The following SHISAL2A variants were observed in gnomAD, a reference collection of about 807,000 sequenced individuals.
SHISAL2A encodes the protein protein shisa-like-2A.
Under a neutral mutation model 11.5 loss-of-function variants are expected in SHISAL2A, and 18 were observed. The ratio of observed to expected loss-of-function variants is 1.57; its 90% CI spans 1.08 to 2.33. The LOEUF (loss-of-function observed/expected upper bound fraction) is 2.33, where lower values mean the gene tolerates loss of function less well. Among genes scored for constraint, SHISAL2A ranks in the 30% most tolerant of loss-of-function variants. SHISAL2A has a pLI of 0.00. For synonymous variants in SHISAL2A, 94 were observed against 99.6 expected (o/e 0.94, Z 0.34); for missense variants, 261 against 250.9 (o/e 1.04, Z -0.27).
intron 1 of SHISAL2A, among the ~76,000 whole-genome samples, chr1:52,637,193 T>C (rs1208867255): frequency 1.3e-5 from 2 of 152,210 alleles, no homozygotes; most frequent in Non-Finnish European, 2.9e-5. Context: ...AGGGTGACTC[T>C]TCCTGGACTC....
chr1:52,667,490 A>G, exon 5 of SHISAL2A: 1 of 518,432 alleles, frequency 1.9e-6, no homozygotes, highest in East Asian at 1.5e-4. Context: ...CACCATCACC[A>G]TCACCATCAC....
In SHISAL2A at chr1:52,656,960, A is replaced by T; in HGVS notation, c.493A>T (p.Thr165Ser). ...CCTCCTCCATCATTGCTTCATGGCCACAGTGACCACCAGTGACATTCCAGG... is the reference window on the plus strand; with the variant it reads ...CCTCCTCCATCATTGCTTCATGGCCTCAGTGACCACCAGTGACATTCCAGG... ...KRLLHHCFMA[T>S]VTTSDIPGSP... Residue 165 changes from threonine to serine, a missense_variant, in exon 3 of 3, where the codon ACA becomes TCA. By Grantham distance (58) the Thr-to-Ser change is moderately conservative (BLOSUM62 1). Coordinates refer to ENST00000517870, the MANE Select transcript of SHISAL2A (RefSeq NM_001042693.3). The T allele has an allele frequency of 6.2e-7, 1 of 1,614,228 alleles. No individual in the cohort carries two copies. Among genetic ancestry groups the T allele is most frequent in the Non-Finnish European group, 8.5e-7 (1 of 1,180,042 alleles).
intron 2 of SHISAL2A, among the ~76,000 whole-genome samples, chr1:52,654,848 C>T (rs925537924): frequency 2.0e-5 from 3 of 152,150 alleles, no homozygotes; most frequent in African/African-American, 7.2e-5. Context: ...GATGAAAAGG[C>T]AAGCCTCAGA....
At position 52,643,136 on chromosome 1, in the gene SHISAL2A, T is replaced by C. The variant is rs1691409562; in HGVS notation, c.322+134T>C. 14 of 810,480 alleles carry C rather than the reference T, an allele frequency of 1.7e-5. No individual in the cohort carries two copies. The South Asian group carries it at 2.3e-4, about 13-fold the overall frequency. 50.2% of individuals were successfully genotyped at this position (810,480 alleles called of 1,614,324 possible). On this transcript the variant is annotated intron_variant, in intron 2 of 2. Coordinates refer to ENST00000517870, the MANE Select transcript of SHISAL2A (RefSeq NM_001042693.3). ...GAATATGCAGAAGCAGCGGCACATT[T>C]TTCTGGAGATTCGTGATCTAAACAT...
downstream of SHISAL2A, among the ~76,000 whole-genome samples, chr1:52,661,415 C>A (rs568062023): frequency 2.0e-5 from 3 of 152,212 alleles, no homozygotes; most frequent in African/African-American, 7.2e-5. Flanking sequence ...ATCTGTCCTC[C>A]GGTCAGGGGG....
At chr1:52,646,432 T>C (rs1468496810) in intron 2 of SHISAL2A, among the ~76,000 whole-genome samples, 1 of 152,028 alleles carries the variant, frequency 6.6e-6, no homozygotes, top group African/African-American at 2.4e-5. Flanking sequence ...TATGACACTG[T>C]ATGTGAAGTT....
At chr1:52,648,192 G>T (rs996573789) in intron 2 of SHISAL2A, among the ~76,000 whole-genome samples, 1 of 150,514 alleles carries the variant, frequency 6.6e-6, no homozygotes, top group Non-Finnish European at 1.5e-5. Flanking sequence ...CTGTTACTCA[G>T]TAATTCTACT....
At chr1:52,658,012 A>G (rs1481384038), downstream of SHISAL2A, among the ~76,000 whole-genome samples, 2 of 150,342 alleles carry the variant, frequency 1.3e-5, no homozygotes, top group Non-Finnish European at 3.0e-5. Context: ...ATGGATTTGA[A>G]CTCACTTCGT....
Position 52,633,565 on chromosome 1 carries a change from G to T in SHISAL2A, c.72G>T (p.Pro24=), listed in dbSNP as rs764905233. The change falls in exon 1 of 3, where the codon CCG becomes CCT. Residue 24 remains proline (P), a synonymous_variant. Coordinates refer to ENST00000517870, the MANE Select transcript of SHISAL2A (RefSeq NM_001042693.3). The surrounding 1 kb of genome is among the most constrained non-coding windows in gnomAD (Gnocchi z 6.4). ...EVVRGFSCPR[P]GGEAAAVFCC... Reference sequence around the variant, plus strand: ...TGCGCGGCTTCAGCTGCCCGCGGCCGGGGGGCGAGGCGGCCGCTGTCTTCT... The same window carrying T: ...TGCGCGGCTTCAGCTGCCCGCGGCCTGGGGGCGAGGCGGCCGCTGTCTTCT... 1 of 1,610,056 alleles carries T rather than the reference G, an allele frequency of 6.2e-7. No individual in the cohort carries two copies. The highest frequency in any genetic ancestry group is 1.3e-5 in the African/African-American group (1 of 74,546).
At chr1:52,648,218 T>G (rs1691547408) in intron 2 of SHISAL2A, among the ~76,000 whole-genome samples, 1 of 151,530 alleles carries the variant, frequency 6.6e-6, no homozygotes, top group Non-Finnish European at 1.5e-5. Flanking sequence ...TTAGCTGCCT[T>G]AAATAGTTGC....
rs1333064998 is a variant in SHISAL2A, at chr1:52,656,847, T to C, written c.380T>C (p.Val127Ala). 1.2e-6 allele frequency: 2 copies of C among 1,613,960 alleles called. No individual in the cohort carries two copies. Among genetic ancestry groups the C allele is most frequent in the Middle Eastern group, 1.6e-4 (1 of 6,084 alleles). Residue 127 changes from valine (V) to alanine (A), a missense_variant, in exon 3 of 3, where the codon GTG (valine) becomes GCG (alanine). Coordinates refer to ENST00000517870, the MANE Select transcript of SHISAL2A (RefSeq NM_001042693.3). ...QGVNTGMAAEVPKVSPLQQSY... is the reference protein window; with the variant it reads ...QGVNTGMAAEAPKVSPLQQSY... The stretch of plus-strand genomic sequence containing the variant: ...GTGAACACAGGCATGGCGGCAGAAG[T>C]GCCAAAAGTGAGCCCTCTCCAGCAG...
At chr1:52,652,651 C>G (rs979677860) in intron 2 of SHISAL2A, among the ~76,000 whole-genome samples, 1 of 151,948 alleles carries the variant, frequency 6.6e-6, no homozygotes, top group African/African-American at 2.4e-5. Flanking sequence ...ATAAAACGTG[C>G]ACAAAATAAC....
chr1:52,665,918 G>A (rs756167085), intron 4 of SHISAL2A, among the ~76,000 whole-genome samples: 6 of 152,182 alleles, frequency 3.9e-5, no homozygotes, highest in Non-Finnish European at 5.9e-5. Flanking sequence ...ATGTAGCAGC[G>A]TGTGCATGTG....
chr1:52,641,667 A>G (rs1027948764), intron 1 of SHISAL2A, among the ~76,000 whole-genome samples: 1 of 152,286 alleles, frequency 6.6e-6, no homozygotes, highest in South Asian at 2.1e-4. Flanking sequence ...TTGCCTGGGC[A>G]CGGTTGGCTC....
chr1:52,666,512 T>C (rs1692016003), intron 4 of SHISAL2A, among the ~76,000 whole-genome samples: 1 of 152,038 alleles, frequency 6.6e-6, no homozygotes, highest in African/African-American at 2.4e-5. Context: ...TCCAGCCCCA[T>C]AGCACCACCT....
At chr1:52,646,920 C>A (rs966579305) in intron 2 of SHISAL2A, among the ~76,000 whole-genome samples, 2 of 152,166 alleles carry the variant, frequency 1.3e-5, no homozygotes, top group Non-Finnish European at 2.9e-5. Context: ...ACTTCCGTCT[C>A]CCAGGTTCAA....
intron 1 of SHISAL2A, among the ~76,000 whole-genome samples, chr1:52,634,584 G>A (rs552959206): frequency 6.6e-6 from 1 of 152,324 alleles, no homozygotes; most frequent in East Asian, 1.9e-4. Context: ...GAGCCTAAGT[G>A]TTGGCTTGAG....
downstream of SHISAL2A, among the ~76,000 whole-genome samples, chr1:52,657,265 G>A (rs541375832): frequency 1.3e-5 from 2 of 152,212 alleles, no homozygotes; most frequent in East Asian, 1.9e-4. Context: ...CCATGCAATC[G>A]GGTGGAAGCC....
At chr1:52,642,655 CCT>C (rs1691392332) in intron 1 of SHISAL2A, among the ~76,000 whole-genome samples, 1 of 152,132 alleles carries the variant, frequency 6.6e-6, no homozygotes, top group South Asian at 2.1e-4. Context: ...GAATCCTGAC[CCT>C]AAGTGATCTG....
Sources: allele counts gnomAD v4.1 joint callset (sites outside exome capture counted in the v4.1 genomes callset), GRCh38; gene constraint gnomAD v4.1.1; non-coding constraint Gnocchi (gnomAD v3.1); transcripts MANE v1.5; gene names NCBI Gene and HGNC (gene_info 2026-07-23, HGNC 2026-07-21).